Variants in CYP7B1 observed in about 807,000 individuals in gnomAD.
The protein encoded by CYP7B1 is cytochrome P450 family 7 subfamily B member 1, also known as cytochrome P450 7B1.
A neutral mutation model predicts 42.7 loss-of-function variants in CYP7B1; 29 were observed. The ratio of observed to expected loss-of-function variants is 0.68; its 90% confidence interval spans 0.51 to 0.93. CYP7B1 has a LOEUF of 0.93. Ranked by LOEUF, CYP7B1 falls within the 40% of genes least tolerant of loss-of-function variation. The pLI, the probability that CYP7B1 is intolerant of heterozygous loss-of-function variation, is 0.00. For missense variants in CYP7B1, 655 were observed against 600.5 expected (o/e 1.09, Z -0.95); for synonymous variants, 235 against 218.2 (o/e 1.08, Z -0.68).
chr8:64,688,421 T>C (rs1806689569), intron 1 of CYP7B1, among the ~76,000 whole-genome samples: 1 of 145,080 alleles, frequency 6.9e-6, no homozygotes, highest in African/African-American at 2.5e-5. Flanking sequence ...TATTCACTTA[T>C]CTATTTAGCA....
intron 1 of CYP7B1, among the ~76,000 whole-genome samples, chr8:64,683,864 C>T (rs922067471): frequency 2.0e-5 from 3 of 152,074 alleles, no homozygotes; most frequent in South Asian, 2.1e-4. Flanking sequence ...CATTTGCACC[C>T]GCAGGTTCTT....
In CYP7B1 at chr8:64,731,558, T is replaced by C. The variant is rs966055022; in HGVS notation, c.122+66908A>G. On this transcript the variant is annotated intron_variant, in intron 1 of 5. Transcript: ENST00000310193. ...GAAACTCTGCAGCCTAATGATGAGATATAAAATAAAAACTCATTTCTTAGG... is the reference window on the plus strand; with the variant it reads ...GAAACTCTGCAGCCTAATGATGAGACATAAAATAAAAACTCATTTCTTAGG... Among the ~76,000 whole-genome samples, 5 of 152,092 alleles carry C rather than the reference T, an allele frequency of 3.3e-5. 1 individual carries two copies. The highest frequency in any genetic ancestry group is 9.7e-5 in the African/African-American group (4 of 41,416).
At chr8:64,607,398 T>TAAAA (rs5891968) in intron 4 of CYP7B1, among the ~76,000 whole-genome samples, 1 of 143,958 alleles carries the variant, frequency 6.9e-6, no homozygotes, top group African/African-American at 2.6e-5. Flanking sequence ...GCTCTAGAAT[T>TAAAA]AAAAAAAAAA....
intron 1 of CYP7B1, among the ~76,000 whole-genome samples, chr8:64,717,545 T>C (rs1282994405): frequency 6.6e-6 from 1 of 152,146 alleles, no homozygotes; most frequent in African/African-American, 2.4e-5. Flanking sequence ...TCCATTCGGA[T>C]GCACATCTCT....
intron 1 of CYP7B1, among the ~76,000 whole-genome samples, chr8:64,779,016 A>T (rs987451035): frequency 2.6e-5 from 4 of 152,138 alleles, no homozygotes; most frequent in Admixed American, 6.5e-5. Flanking sequence ...TAAGCTTAAT[A>T]TATTCTTTTT....
intron 5 of CYP7B1, among the ~76,000 whole-genome samples, chr8:64,599,487 C>T (rs111528038): frequency 2.0e-5 from 3 of 152,144 alleles, no homozygotes; most frequent in East Asian, 3.9e-4. Context: ...TGTGTCCGGC[C>T]GCTGATTGAA....
intron 1 of CYP7B1, among the ~76,000 whole-genome samples, chr8:64,713,371 GA>G (rs10710932): frequency 0.63 from 94,515 of 150,702 alleles, 32,346 homozygotes; most frequent in East Asian, 0.81. Flanking sequence ...AAACATAGAG[GA>G]AAAAAAAAAT....
At chr8:64,606,958 T>A (rs1192096457) in intron 4 of CYP7B1, among the ~76,000 whole-genome samples, 1 of 152,090 alleles carries the variant, frequency 6.6e-6, no homozygotes, top group African/African-American at 2.4e-5. Flanking sequence ...AATAAAAAAA[T>A]TGCAGCCTCT....
rs781343197 is a variant in CYP7B1, at chr8:64,643,162, C to CATATATAT, written c.123-18624_123-18623insATATATAT. On this transcript the variant is annotated intron_variant, in intron 1 of 5. Coordinates refer to ENST00000310193, the MANE Select transcript of CYP7B1 (RefSeq NM_004820.5). ...ACATATATACATATATACATATATACACATATATACATATATATACATATA... is the reference window on the plus strand; with the variant it reads ...ACATATATACATATATACATATATACATATATATACATATATACATATATATACATATA... Among the ~76,000 whole-genome samples the CATATATAT allele has an allele frequency of 2.9e-3, 85 of 29,372 alleles. 1 individual carries two copies. The highest frequency in any genetic ancestry group is 6.6e-3 in the African/African-American group (78 of 11,890). The allele number at this position is 29,372 out of a possible 152,430, so 19.3% of individuals were successfully genotyped here.
At chr8:64,736,213 T>C (rs981171329) in intron 1 of CYP7B1, among the ~76,000 whole-genome samples, 23 of 152,168 alleles carry the variant, frequency 1.5e-4, no homozygotes, top group Non-Finnish European at 2.5e-4. Context: ...AAAACACCCA[T>C]ATAAATCCCA....
chr8:64,783,249 G>A (rs1339920350), intron 1 of CYP7B1, among the ~76,000 whole-genome samples: 1 of 152,174 alleles, frequency 6.6e-6, no homozygotes, highest in Non-Finnish European at 1.5e-5. Flanking sequence ...GTAACAATGT[G>A]AGGGATCTAG....
At position 64,716,356 on chromosome 8, in the gene CYP7B1, T is replaced by C. The variant is rs536394084; in HGVS notation, c.122+82110A>G. ...ATAGTTTTTATCCAAGAAGTTATCA[T>C]ATCTTTTGTTAAATTTATCCCTAAA... is the stretch of plus-strand genomic sequence containing the variant. On this transcript the variant is annotated intron_variant, in intron 1 of 5. Coordinates refer to ENST00000310193, the MANE Select transcript of CYP7B1 (RefSeq NM_004820.5). 3.9e-5 allele frequency among the ~76,000 whole-genome samples: 6 copies of C among 152,364 alleles called. No individual in the cohort carries two copies. In the East Asian group the frequency reaches 1.2e-3, roughly 29 times the overall value.
chr8:64,667,380 A>C (rs1292513862), intron 1 of CYP7B1, among the ~76,000 whole-genome samples: 1 of 152,110 alleles, frequency 6.6e-6, no homozygotes, highest in Non-Finnish European at 1.5e-5. Flanking sequence ...GCTGGTGCAG[A>C]GGGCCAGGCC....
chr8:64,620,771 G>C (rs774457397), intron 2 of CYP7B1, among the ~76,000 whole-genome samples: 5 of 152,196 alleles, frequency 3.3e-5, no homozygotes, highest in Non-Finnish European at 7.3e-5. Context: ...AGAAGCAAAA[G>C]GGAGGTATCG....
chr8:64,646,518 C>A (rs1248250313), intron 1 of CYP7B1, among the ~76,000 whole-genome samples: 1 of 152,170 alleles, frequency 6.6e-6, no homozygotes, highest in African/African-American at 2.4e-5. Context: ...CTGCATTAGC[C>A]CCTAAGAAGA....
At chr8:64,725,293 A>C (rs1378867845) in intron 1 of CYP7B1, among the ~76,000 whole-genome samples, 1 of 152,228 alleles carries the variant, frequency 6.6e-6, no homozygotes, top group Non-Finnish European at 1.5e-5. Context: ...TTTTGTTATC[A>C]AAGTATCAGC....
rs559401740 is a variant in CYP7B1 at position 64,766,688 on chromosome 8, G to A, written c.122+31778C>T. 3.3e-5 allele frequency among the ~76,000 whole-genome samples: 5 copies of A among 152,136 alleles called. No individual in the cohort carries two copies. In the South Asian group the frequency reaches 8.3e-4, roughly 25 times the overall value. On this transcript the variant is annotated intron_variant, in intron 1 of 5. Transcript: ENST00000310193. ...CCGAATAGAAATAAGCCACCCCCTC[G>A]TCCTTGCCCCTTATGTCAAGGGAAT...
chr8:64,685,166 GCGC>G, intron 1 of CYP7B1, among the ~76,000 whole-genome samples: 1 of 152,130 alleles, frequency 6.6e-6, no homozygotes. Flanking sequence ...CCGCCGGCGA[GCGC>G]CGCCCGGGAG....
chr8:64,768,029 G>A (rs1203451462), intron 1 of CYP7B1, among the ~76,000 whole-genome samples: 1 of 152,144 alleles, frequency 6.6e-6, no homozygotes. Context: ...GTTGAGAGGG[G>A]TGACTAAGTG....
Sources: gnomAD v4.1 joint callset for allele counts (sites outside exome capture counted in the v4.1 genomes callset) on GRCh38, gnomAD v4.1.1 for gene constraint, MANE v1.5 for transcripts, NCBI Gene and HGNC (gene_info 2026-07-23, HGNC 2026-07-21) for gene names.